Variants in ZNF385D observed in about 807,000 individuals in gnomAD.
ZNF385D encodes zinc finger protein 659.
A neutral mutation model predicts 35.8 loss-of-function variants in ZNF385D; 15 were observed. The ratio of observed to expected loss-of-function variants is 0.42; its 90% CI spans 0.28 to 0.64. The LOEUF is 0.64. Ranked by LOEUF, ZNF385D falls within the 30% of genes least tolerant of loss-of-function variation. The probability of loss-of-function intolerance (pLI) is 0.23; values close to 1 mark genes in which losing one functional copy is unlikely to be tolerated. For synonymous variants in ZNF385D, 212 were observed against 186.8 expected (o/e 1.13, Z -1.10); for missense variants, 474 against 494.6 (o/e 0.96, Z 0.39).
chr3:22,067,486 G>C (rs1050788547), intron 3 of ZNF385D, among the ~76,000 whole-genome samples: 5 of 152,146 alleles, frequency 3.3e-5, no homozygotes, highest in African/African-American at 9.7e-5. Context: ...GTTGGCAACA[G>C]CTTCAGAAAA....
In ZNF385D at chr3:22,066,752, C is replaced by T. The variant is rs77269140; in HGVS notation, c.325+102065G>A. 8.6e-3 allele frequency among the ~76,000 whole-genome samples: 1,303 copies of T among 152,228 alleles called. 16 individuals are homozygous for T. Among genetic ancestry groups the T allele is most frequent in the African/African-American group, 0.03 (1,248 of 41,534 alleles). On this transcript the variant is annotated intron_variant, in intron 3 of 5. Coordinates refer to the ZNF385D transcript ENST00000494108. ...ATGTGCACTTAGATATTCACATTTACTGGATGTTTCCTAGTTGGTTGTTCA... is the reference window on the plus strand; with the variant it reads ...ATGTGCACTTAGATATTCACATTTATTGGATGTTTCCTAGTTGGTTGTTCA...
At chr3:21,924,942 A>T (rs768212020) in intron 3 of ZNF385D, among the ~76,000 whole-genome samples, 2 of 152,146 alleles carry the variant, frequency 1.3e-5, no homozygotes, top group Non-Finnish European at 2.9e-5. Flanking sequence ...AAGCCAGCTA[A>T]TTCTAACAAG....
intron 3 of ZNF385D, among the ~76,000 whole-genome samples, chr3:21,790,684 A>C (rs566608027): frequency 1.6e-4 from 24 of 152,304 alleles, no homozygotes; most frequent in African/African-American, 5.3e-4. Context: ...TTTCTCAAGG[A>C]AAATCATTTC....
intron 3 of ZNF385D, among the ~76,000 whole-genome samples, chr3:22,074,343 C>G (rs139412859): frequency 3.3e-5 from 5 of 152,102 alleles, no homozygotes; most frequent in African/African-American, 1.2e-4. Flanking sequence ...GTTTCAATAG[C>G]TGTAATTCTA....
intron 3 of ZNF385D, among the ~76,000 whole-genome samples, chr3:22,122,167 G>A (rs929898000): frequency 2.0e-5 from 3 of 151,952 alleles, no homozygotes; most frequent in African/African-American, 4.8e-5. Flanking sequence ...GTTACCTTGG[G>A]TAAAAATCTG....
intron 3 of ZNF385D, among the ~76,000 whole-genome samples, chr3:22,157,366 A>T (rs186709201): frequency 6.5e-4 from 99 of 152,204 alleles, no homozygotes; most frequent in African/African-American, 2.3e-3. Context: ...TGATACCTTT[A>T]TTATCTGCTT....
Position 22,060,820 on chromosome 3 carries a change from T to C in ZNF385D, c.325+107997A>G, listed in dbSNP as rs141914549. ...GTTTCTGAATATAAACAGTGAATTT[T>C]AATTTAAAAAAGAAAGTTTTGCAGT... On this transcript the variant is annotated intron_variant, in intron 3 of 5. Coordinates refer to the ZNF385D transcript ENST00000494108. Among the ~76,000 whole-genome samples the C allele has an allele frequency of 2.7e-3, 410 of 152,214 alleles. 3 individuals are homozygous for C. Among genetic ancestry groups the C allele is most frequent in the African/African-American group, 9.4e-3 (389 of 41,560 alleles).
chr3:22,291,690 G>T (rs1444975841), intron 2 of ZNF385D, among the ~76,000 whole-genome samples: 1 of 151,914 alleles, frequency 6.6e-6, no homozygotes, highest in African/African-American at 2.4e-5. Flanking sequence ...TGGGGTTTAT[G>T]ATCTTGTGTA....
chr3:21,541,215 A>C (rs572897047), intron 3 of ZNF385D, among the ~76,000 whole-genome samples: 1 of 152,316 alleles, frequency 6.6e-6, no homozygotes, highest in African/African-American at 2.4e-5. Context: ...CCCCTTAATT[A>C]GAGAATAAAA....
intron 3 of ZNF385D, among the ~76,000 whole-genome samples, chr3:22,071,409 A>G (rs917458438): frequency 2.6e-5 from 4 of 152,270 alleles, no homozygotes; most frequent in Middle Eastern, 3.4e-3. Context: ...AGAAAATATT[A>G]TCCAGCTTCA....
chr3:22,099,850 G>A (rs866830976), intron 3 of ZNF385D, among the ~76,000 whole-genome samples: 1 of 151,992 alleles, frequency 6.6e-6, no homozygotes, highest in Non-Finnish European at 1.5e-5. Flanking sequence ...GAACAGATTG[G>A]AGCCTGGTTG....
At chr3:21,424,271 A>G (rs1225868747) in intron 6 of ZNF385D, among the ~76,000 whole-genome samples, 1 of 134,222 alleles carries the variant, frequency 7.5e-6, no homozygotes, top group Non-Finnish European at 1.6e-5. Context: ...TCATATATAT[A>G]CTATTATATA....
At position 22,245,617 on chromosome 3, in the gene ZNF385D, AGATTTG is replaced by A. The variant is rs1412004909; in HGVS notation, c.107-76588_107-76583del. On this transcript the variant is annotated intron_variant, in intron 2 of 5. Coordinates refer to the ZNF385D transcript ENST00000494108. ...AATTTTAAAATGGAAAATGTGTTTC[AGATTTG>A]ACAGCTTGCCACAACAGACAATAGA... Among the ~76,000 whole-genome samples the A allele has an allele frequency of 7.9e-5, 12 of 152,226 alleles. No individual in the cohort carries two copies. In the East Asian group the frequency reaches 2.1e-3, roughly 27 times the overall value.
chr3:21,473,255 A>T (rs1378939947), intron 4 of ZNF385D, among the ~76,000 whole-genome samples: 2 of 151,928 alleles, frequency 1.3e-5, no homozygotes, highest in African/African-American at 4.8e-5. Flanking sequence ...TTTTCTGTGG[A>T]GGATGTGGTG....
At chr3:21,443,078 A>C in intron 4 of ZNF385D, 1 of 939,980 alleles carries the variant, frequency 1.1e-6, no homozygotes, top group Non-Finnish European at 1.3e-6. Flanking sequence ...CTAGAGTGGT[A>C]TAGCTGTAGA....
chr3:21,564,948 T>G (rs943416665), intron 2 of ZNF385D, among the ~76,000 whole-genome samples: 2 of 152,194 alleles, frequency 1.3e-5, no homozygotes, highest in African/African-American at 4.8e-5. Flanking sequence ...AAAGCAACAG[T>G]TGTCTCAGTT....
intron 1 of ZNF385D, among the ~76,000 whole-genome samples, chr3:21,735,626 A>G (rs1239632247): frequency 6.6e-6 from 1 of 152,186 alleles, no homozygotes; most frequent in East Asian, 1.9e-4. Flanking sequence ...AGGACGCTAG[A>G]CTGATTTCTA....
At chr3:22,300,929 T>C (rs2125411648) in intron 2 of ZNF385D, among the ~76,000 whole-genome samples, 1 of 152,210 alleles carries the variant, frequency 6.6e-6, no homozygotes, top group South Asian at 2.1e-4. Flanking sequence ...CCAATACTAC[T>C]ACTGGGTATA....
At chr3:21,807,336 T>G (rs557550599) in intron 3 of ZNF385D, among the ~76,000 whole-genome samples, 2 of 152,312 alleles carry the variant, frequency 1.3e-5, no homozygotes. Context: ...CAGTGCAGAT[T>G]TAGAAAATTT....
Sources: allele counts gnomAD v4.1 joint callset (sites outside exome capture counted in the v4.1 genomes callset), GRCh38; gene constraint gnomAD v4.1.1; transcripts MANE v1.5; gene names NCBI Gene and HGNC (gene_info 2026-07-23, HGNC 2026-07-21).